TNS1: variants seen among roughly 807,000 people sequenced by gnomAD.
TNS1 encodes the protein tensin 1, also known as tensin-1.
TNS1 carries 62 observed loss-of-function variants against 168.6 expected under a neutral mutation model. The ratio of observed to expected loss-of-function variants is 0.37; its 90% CI spans 0.30 to 0.45. TNS1 has a LOEUF of 0.45. Among genes scored for constraint, TNS1 ranks in the 20% least tolerant of loss-of-function variants. TNS1 has a pLI of 1.00. For missense variants in TNS1, 2,240 were observed against 2,339.4 expected (o/e 0.96, Z 0.88); for synonymous variants, 934 against 933.2 (o/e 1.00, Z -0.02).
intron 22 of TNS1, among the ~76,000 whole-genome samples, chr2:217,824,430 T>C (rs573763738): frequency 1.3e-5 from 2 of 152,074 alleles, no homozygotes; most frequent in Admixed American, 6.5e-5. Flanking sequence ...GCCAACTCCA[T>C]AGGGCTATTC....
At chr2:217,987,333 C>T (rs1244641709) in intron 2 of TNS1, among the ~76,000 whole-genome samples, 1 of 152,158 alleles carries the variant, frequency 6.6e-6, no homozygotes, top group South Asian at 2.1e-4. Context: ...TTCACAGGTC[C>T]GGAGGAACCC....
chr2:217,807,136 G>A (rs1418089647), intron 32 of TNS1, among the ~76,000 whole-genome samples: 1 of 152,116 alleles, frequency 6.6e-6, no homozygotes, highest in Non-Finnish European at 1.5e-5. Context: ...CTTATATGAA[G>A]TCTGCATATA....
intron 3 of TNS1, among the ~76,000 whole-genome samples, chr2:217,922,413 C>T (rs1053762135): frequency 9.9e-5 from 15 of 152,128 alleles, no homozygotes; most frequent in Non-Finnish European, 1.6e-4. Context: ...GGACAGCACC[C>T]TTGCTGTGTT....
At chr2:217,842,177 C>A (rs534345918) in intron 19 of TNS1, 7 of 701,084 alleles carry the variant, frequency 1.0e-5, no homozygotes, top group Non-Finnish European at 1.6e-5. Flanking sequence ...CTGTCCTCAA[C>A]CCCTCGGTGA....
upstream of TNS1, among the ~76,000 whole-genome samples, chr2:218,011,387 G>A (rs1350255155): frequency 1.3e-5 from 2 of 152,150 alleles, no homozygotes; most frequent in South Asian, 2.1e-4. Context: ...AGCATTGCCC[G>A]GGGTTCTGTG....
chr2:217,910,762 A>ACACACACACACAC (rs1954306509), intron 4 of TNS1, among the ~76,000 whole-genome samples: 1 of 139,670 alleles, frequency 7.2e-6, no homozygotes, highest in South Asian at 2.3e-4. Context: ...ACACACACAC[A>ACACACACACACAC]ACCATCCTTG....
At chr2:217,842,774 A>G (rs556506505) in intron 19 of TNS1, among the ~76,000 whole-genome samples, 1 of 152,014 alleles carries the variant, frequency 6.6e-6, no homozygotes, top group Non-Finnish European at 1.5e-5. Context: ...GTGTCCTGCT[A>G]TGCCTCCCTT....
intron 3 of TNS1, among the ~76,000 whole-genome samples, chr2:217,955,039 C>T (rs1957328181): frequency 6.6e-6 from 1 of 152,150 alleles, no homozygotes; most frequent in Non-Finnish European, 1.5e-5. Flanking sequence ...GTGCAGGTAC[C>T]CACGGGCTGT....
At chr2:217,930,179 C>T (rs894689790) in intron 3 of TNS1, among the ~76,000 whole-genome samples, 9 of 152,212 alleles carry the variant, frequency 5.9e-5, no homozygotes, top group Admixed American at 4.6e-4. Flanking sequence ...GAGCTAGGGG[C>T]TATCAGTCCA....
intron 3 of TNS1, among the ~76,000 whole-genome samples, chr2:217,927,601 G>T (rs1051131051): frequency 3.3e-5 from 5 of 152,120 alleles, no homozygotes; most frequent in African/African-American, 1.2e-4. Flanking sequence ...AGGAGAAAGT[G>T]GGGGAGAAGA....
chr2:217,920,524 G>A (rs1350715097), intron 3 of TNS1, among the ~76,000 whole-genome samples: 2 of 151,182 alleles, frequency 1.3e-5, no homozygotes, highest in Admixed American at 6.6e-5. Context: ...CACTGCACCG[G>A]CATTTCAATA....
At chr2:217,936,906 GCA>G in intron 3 of TNS1, 1 of 456,246 alleles carries the variant, frequency 2.2e-6, no homozygotes, top group Non-Finnish European at 4.4e-6. Flanking sequence ...TTTTACAGAT[GCA>G]GACACTAAGG....
rs758255893 is a variant in TNS1, at chr2:217,817,760, G to C, written c.4572C>G (p.Ser1524=). The change falls in exon 24 of 33, where the codon TCC becomes TCG. Residue 1524 remains serine, a synonymous_variant. Coordinates refer to ENST00000682258, the MANE Select transcript of TNS1 (RefSeq NM_001387777.1). ...KVSSPVASGM[S]SPSGGSTVSF... ...AGACGGTGCTGCCCCCACTGGGACT[G>C]GACATGCCGCTGGCGACAGGCGAAG... is the stretch of plus-strand genomic sequence containing the variant. The C allele has an allele frequency of 6.2e-7, 1 of 1,614,054 alleles. No homozygotes were observed. Among genetic ancestry groups the C allele is most frequent in the Non-Finnish European group, 8.5e-7 (1 of 1,179,972 alleles).
upstream of TNS1, chr2:218,003,118 G>C (rs1012035236): frequency 1.4e-5 from 5 of 363,150 alleles, no homozygotes; most frequent in East Asian, 2.2e-4. Flanking sequence ...TGGCCTTGAG[G>C]GTCAGGAACC....
chr2:217,868,457 G>A (rs1949482782), intron 18 of TNS1, among the ~76,000 whole-genome samples: 4 of 152,206 alleles, frequency 2.6e-5, no homozygotes, highest in Admixed American at 2.6e-4. Flanking sequence ...TGCAGCCAGA[G>A]GCCTTGGTTC....
intron 2 of TNS1, among the ~76,000 whole-genome samples, chr2:217,979,176 C>G (rs1248612157): frequency 1.3e-5 from 2 of 152,168 alleles, no homozygotes; most frequent in Non-Finnish European, 2.9e-5. Context: ...GGCCTTCTCC[C>G]CTTACACACA....
intron 24 of TNS1, 159 bp from the exon 25 acceptor site, chr2:217,815,157 G>A: frequency 1.6e-6 from 1 of 637,392 alleles, no homozygotes; most frequent in East Asian, 2.8e-5. Flanking sequence ...CAGGATTAGG[G>A]TGAGCCTTAA....
At chr2:217,854,644 G>A (rs979318726) in intron 18 of TNS1, among the ~76,000 whole-genome samples, 4 of 152,242 alleles carry the variant, frequency 2.6e-5, no homozygotes, top group African/African-American at 7.2e-5. Flanking sequence ...ACGTGCATCT[G>A]AGAGGTAGGT....
intron 19 of TNS1, among the ~76,000 whole-genome samples, chr2:217,838,958 T>A (rs1171970010): frequency 2.6e-5 from 3 of 114,586 alleles, no homozygotes; most frequent in African/African-American, 1.0e-4. Context: ...ACCCCAGGAC[T>A]TTCTCAGTCT....
Sources: gnomAD v4.1 joint callset for allele counts (sites outside exome capture counted in the v4.1 genomes callset) on GRCh38, gnomAD v4.1.1 for gene constraint, MANE v1.5 for transcripts, NCBI Gene and HGNC (gene_info 2026-07-23, HGNC 2026-07-21) for gene names.